Variants in TRAPPC14 observed in about 807,000 individuals in gnomAD.
The protein encoded by TRAPPC14 is trafficking protein particle complex subunit 14.
TRAPPC14 carries 24 observed loss-of-function variants against 56.6 expected under a neutral mutation model. That is an observed-to-expected ratio of 0.42 (90% CI 0.31 to 0.60). The LOEUF is 0.60. TRAPPC14 is among the 20% of genes least tolerant of loss of function. The pLI, the probability that TRAPPC14 is intolerant of heterozygous loss-of-function variation, is 0.14. For missense variants in TRAPPC14, 615 were observed against 790.3 expected (o/e 0.78, Z 2.66); for synonymous variants, 377 against 347.0 (o/e 1.09, Z -0.96).
Position 100,157,829 on chromosome 7 carries a change from CTT to C in TRAPPC14, c.507+12_507+13del, listed in dbSNP as rs776591699. 2 of 1,610,240 alleles carry C rather than the reference CTT, an allele frequency of 1.2e-6. No individual in the cohort carries two copies. The highest frequency in any genetic ancestry group is 1.7e-6 in the Non-Finnish European group (2 of 1,177,314). On this transcript the variant is annotated intron_variant, in intron 2 of 10. Coordinates refer to ENST00000316937, the MANE Select transcript of TRAPPC14 (RefSeq NM_018275.5). ...TCTGAATTAGGACAATAGCTCCACT[CTT>C]GCTCATCTTACCTTGGCCTTAGGTG... is the stretch of plus-strand genomic sequence containing the variant.
Position 100,158,250 on chromosome 7 carries a change from A to AGGCCAGGGC in TRAPPC14, c.241_249dup (p.Ala81_Ala83dup), listed in dbSNP as rs1206534535. 3 of 1,487,794 alleles carry AGGCCAGGGC rather than the reference A, an allele frequency of 2.0e-6. No individual in the cohort carries two copies. The highest frequency in any genetic ancestry group is 1.3e-5 in the South Asian group (1 of 79,280). The allele number at this position is 1,487,794 out of a possible 1,614,324, so 92.2% of individuals were successfully genotyped here. A position where few individuals can be genotyped will look rare whatever the true frequency, so the allele number is the denominator to read the frequency against. ...GGCATCCCGCCTCCGGCGCTGACCG[A>AGGCCAGGGC]GGCCAGGGCGGCCAGGGCGGTTGCC... is the stretch of plus-strand genomic sequence containing the variant. On this transcript the variant is annotated inframe_insertion, in exon 1 of 11. Transcript: ENST00000316937.
Position 100,157,156 on chromosome 7 carries a change from G to A in TRAPPC14, c.783C>T (p.Asn261=), listed in dbSNP as rs1476217730. 6.2e-7 allele frequency: 1 copy of A among 1,614,238 alleles called. No homozygotes were observed. Among genetic ancestry groups the A allele is most frequent in the African/African-American group, 1.3e-5 (1 of 75,062 alleles). ...ISIWDIRILP[N]FNASYLPVMP... ...TGACAGGTAGATAACTGGCGTTGAA[G>A]TTGGGGAGGATTCGGATATCCCAGA... The change falls in exon 5 of 11, where the codon AAC becomes AAT. Residue 261 remains asparagine, a synonymous_variant. Coordinates refer to ENST00000316937, the MANE Select transcript of TRAPPC14 (RefSeq NM_018275.5).
intron 3 of TRAPPC14, 26 bp from the exon 4 acceptor site, chr7:100,157,485 G>C (rs1051204621): frequency 1.2e-6 from 2 of 1,608,652 alleles, no homozygotes; most frequent in Non-Finnish European, 8.5e-7. Flanking sequence ...GGGGCAAGAA[G>C]TGATGGTCTG....
In TRAPPC14 at chr7:100,157,463, C is replaced by G; in HGVS notation, c.638-4G>C. ...AGCAGAGTCAGCAGCGTGCTCACTGCGGGAGGGGGTGGGGGCAAGAAGTGA... is the reference window on the plus strand; with the variant it reads ...AGCAGAGTCAGCAGCGTGCTCACTGGGGGAGGGGGTGGGGGCAAGAAGTGA... On this transcript the variant is annotated splice_polypyrimidine_tract_variant and splice_region_variant and intron_variant, in intron 3 of 10. Coordinates refer to ENST00000316937, the MANE Select transcript of TRAPPC14 (RefSeq NM_018275.5). 2 of 1,611,818 alleles carry G rather than the reference C, an allele frequency of 1.2e-6. No individual in the cohort carries two copies. The highest frequency in any genetic ancestry group is 1.7e-6 in the Non-Finnish European group (2 of 1,179,132).
chr7:100,156,341 C>T (rs1373780944), intron 8 of TRAPPC14, 45 bp downstream of exon 8: 5 of 1,599,804 alleles, frequency 3.1e-6, no homozygotes, highest in Admixed American at 3.4e-5. Context: ...TTTCCTTTCT[C>T]TTCCCCTCCC....
intron 8 of TRAPPC14, 131 bp downstream of exon 8, chr7:100,156,255 C>G (rs1210659838): frequency 1.1e-6 from 1 of 872,972 alleles, no homozygotes; most frequent in East Asian, 2.6e-5. Context: ...GGGCGGAAGC[C>G]ACCTGCCACA....
chr7:100,155,732 C>T lies in TRAPPC14; in HGVS notation c.1334G>A (p.Arg445Gln), dbSNP rs1295333762. The change falls in exon 9 of 11, where the codon CGG becomes CAG. Residue 445 changes from arginine to glutamine, a missense_variant. Physicochemically the swap from Arg to Gln is conservative, Grantham distance 43. Coordinates refer to ENST00000316937, the MANE Select transcript of TRAPPC14 (RefSeq NM_018275.5). ...ACTGAAGGTGAGCGCGCTGCCCTTC[C>T]GGGAAAAGCCAAGGTTGTTGAGGGG... Reference protein sequence around the residue: ...HTPLNNLGFSRKGSALTFSVA... With the variant: ...HTPLNNLGFSQKGSALTFSVA... 20 of 1,614,166 alleles carry T rather than the reference C, an allele frequency of 1.2e-5. No homozygotes were observed. Among genetic ancestry groups the T allele is most frequent in the South Asian group, 3.3e-5 (3 of 91,076 alleles).
At chr7:100,156,190 C>A (rs1798876779) in intron 8 of TRAPPC14, 196 bp downstream of exon 8, 2 of 618,544 alleles carry the variant, frequency 3.2e-6, no homozygotes, top group South Asian at 3.8e-5. Context: ...GTCACTCTGC[C>A]CCACTGCCTC....
chr7:100,158,232 C>G lies in TRAPPC14; in HGVS notation c.268G>C (p.Gly90Arg). ...AALASVSAGG[G>R]MPGGGGAGDQ... ...CCGGCGCCGCCGCCCCCCGGCATCC[C>G]GCCTCCGGCGCTGACCGAGGCCAGG... is the stretch of plus-strand genomic sequence containing the variant. Residue 90 changes from glycine (G) to arginine (R), a missense_variant, in exon 1 of 11, where the codon GGG (glycine) becomes CGG (arginine). By Grantham distance (125) the Gly-to-Arg change is moderately radical. Transcript: ENST00000316937. 6.8e-7 allele frequency: 1 copy of G among 1,475,882 alleles called. No homozygotes were observed. The highest frequency in any genetic ancestry group is 1.3e-5 in the South Asian group (1 of 77,424). The allele number at this position is 1,475,882 out of a possible 1,614,324, so 91.4% of individuals were successfully genotyped here. A position where few individuals can be genotyped will look rare whatever the true frequency, so the allele number is the denominator to read the frequency against.
At chr7:100,156,596 A>G (rs1166192609) in intron 7 of TRAPPC14, 38 bp downstream of exon 7, 2 of 1,611,722 alleles carry the variant, frequency 1.2e-6, no homozygotes, top group Non-Finnish European at 1.7e-6. Flanking sequence ...TCAGGCCACA[A>G]AGGCGAACGC....
In TRAPPC14 at chr7:100,158,204, T is replaced by TCGCCGG. The variant is rs1169156880; in HGVS notation, c.290_295dup (p.Ala97_Gly98dup). 2.1e-6 allele frequency: 3 copies of TCGCCGG among 1,456,834 alleles called. No homozygotes were observed. Among genetic ancestry groups the TCGCCGG allele is most frequent in the Non-Finnish European group, 2.7e-6 (3 of 1,113,704 alleles). 90.2% of individuals were successfully genotyped at this position (1,456,834 alleles called of 1,614,324 possible). A position where few individuals can be genotyped will look rare whatever the true frequency, so the allele number is the denominator to read the frequency against. On this transcript the variant is annotated inframe_insertion, in exon 1 of 11. Transcript: ENST00000316937. ...TCCCCCTGGGGGCTCCGAATCCTGGTCGCCGGCGCCGCCGCCCCCCGGCAT... is the reference window on the plus strand; with the variant it reads ...TCCCCCTGGGGGCTCCGAATCCTGGTCGCCGGCGCCGGCGCCGCCGCCCCCCGGCAT...
At chr7:100,157,493 C>T in intron 3 of TRAPPC14, 34 bp from the exon 4 acceptor site, 2 of 1,605,708 alleles carry the variant, frequency 1.2e-6, no homozygotes, top group Non-Finnish European at 1.7e-6. Context: ...AAGTGATGGT[C>T]TGGAGGCTGA....
chr7:100,156,542 T>C lies in TRAPPC14; in HGVS notation c.1084A>G (p.Ser362Gly), dbSNP rs1798885101. ...QSIYTHYRLPSVRLDRPCFVM... is the reference protein window; with the variant it reads ...QSIYTHYRLPGVRLDRPCFVM... ...AAACACGGGCGGTCCAAGCGGACAC[T>C]GGGCAGGCTAGGAGTGGTGAGAGAG... is the stretch of plus-strand genomic sequence containing the variant. The change falls in exon 8 of 11, where the codon AGT becomes GGT. Residue 362 changes from serine (S) to glycine (G), a missense_variant. Coordinates refer to ENST00000316937, the MANE Select transcript of TRAPPC14 (RefSeq NM_018275.5). 1 of 1,614,112 alleles carries C rather than the reference T, an allele frequency of 6.2e-7. No individual in the cohort carries two copies.
rs200201055 is a variant in TRAPPC14, at chr7:100,156,522, C to G, written c.1104G>C (p.Pro368=). The G allele has an allele frequency of 6.2e-7, 1 of 1,614,118 alleles. No individual in the cohort carries two copies. Residue 368 remains proline, a synonymous_variant, in exon 8 of 11, where the codon CCG becomes CCC. Coordinates refer to ENST00000316937, the MANE Select transcript of TRAPPC14 (RefSeq NM_018275.5). ...YRLPSVRLDR[P]CFVMTASCKS... ...TACAAGAAGCGGTCATCACAAAACA[C>G]GGGCGGTCCAAGCGGACACTGGGCA...
rs1456306655 is a variant in TRAPPC14, at chr7:100,158,185, TG to T, written c.314del (p.Pro105GlnfsTer67). 3 of 1,454,948 alleles carry T rather than the reference TG, an allele frequency of 2.1e-6. No homozygotes were observed. Among genetic ancestry groups the T allele is most frequent in the South Asian group, 1.4e-5 (1 of 73,498 alleles). The allele number at this position is 1,454,948 out of a possible 1,614,324, so 90.1% of individuals were successfully genotyped here. On this transcript the variant is annotated frameshift_variant, in exon 1 of 11. Transcript: ENST00000316937. LOFTEE classifies it high-confidence loss of function. ...GGAGDQDSEP[P>X]GGGDPGGGGL... is the part of the protein sequence containing the mutation. The stretch of plus-strand genomic sequence containing the variant: ...CCCCACCCCCAGGATCCCCTCCCCC[TG>T]GGGGCTCCGAATCCTGGTCGCCGGC...
chr7:100,158,534 C>A lies in TRAPPC14; in HGVS notation c.-35G>T. On this transcript the variant is annotated 5_prime_UTR_variant, in exon 1 of 11. Coordinates refer to ENST00000316937, the MANE Select transcript of TRAPPC14 (RefSeq NM_018275.5). The stretch of plus-strand genomic sequence containing the variant: ...AGGACGGCGCGACTGGGAGCCCGGA[C>A]CGGAGGCCGACCGCCGGCGGGGCCC... 7.7e-7 allele frequency: 1 copy of A among 1,302,734 alleles called. No individual in the cohort carries two copies. Among genetic ancestry groups the A allele is most frequent in the Non-Finnish European group, 9.7e-7 (1 of 1,027,230 alleles). 80.7% of individuals were successfully genotyped at this position (1,302,734 alleles called of 1,614,324 possible).
chr7:100,157,481 A>G (rs1798907876), intron 3 of TRAPPC14, 22 bp from the exon 4 acceptor site: 1 of 1,609,576 alleles, frequency 6.2e-7, no homozygotes, highest in Non-Finnish European at 8.5e-7. Flanking sequence ...GGTGGGGGCA[A>G]GAAGTGATGG....
At chr7:100,155,915 C>A (rs775742608) in intron 8 of TRAPPC14, 90 bp from the exon 9 acceptor site, 1 of 1,528,402 alleles carries the variant, frequency 6.5e-7, no homozygotes, top group South Asian at 1.1e-5. Flanking sequence ...ATTCTCAAAG[C>A]CACTCTGTGG....
Position 100,158,663 on chromosome 7 carries a change from C to T in TRAPPC14, c.-164G>A, listed in dbSNP as rs542457546. 2.4e-5 allele frequency: 14 copies of T among 592,960 alleles called. No homozygotes were observed. In the East Asian group the frequency reaches 4.2e-4, roughly 18 times the overall value. 36.7% of individuals were successfully genotyped at this position (592,960 alleles called of 1,614,324 possible). ...CGGCACCGGGGCAACGAACCCGAAC[C>T]GAGACCCGGCAGCGCCGGAACCGGG... On this transcript the variant is annotated 5_prime_UTR_variant, in exon 1 of 11. Transcript: ENST00000316937.
Sources: allele counts gnomAD v4.1 joint callset, GRCh38; gene constraint gnomAD v4.1.1; transcripts MANE v1.5; gene names NCBI Gene and HGNC (gene_info 2026-07-23, HGNC 2026-07-21).